ABLIM2: variants seen among roughly 807,000 people sequenced by gnomAD.
ABLIM2 encodes actin binding LIM protein family member 2, also known as actin-binding LIM protein 2.
Under a neutral mutation model 97.7 loss-of-function variants are expected in ABLIM2, and 53 were observed. That is an observed-to-expected ratio of 0.54 (90% CI 0.44 to 0.68). The LOEUF is 0.68. Ranked by LOEUF, ABLIM2 falls within the 30% of genes least tolerant of loss-of-function variation. The pLI, the probability that ABLIM2 is intolerant of heterozygous loss-of-function variation, is 0.00. For missense variants in ABLIM2, 835 were observed against 867.2 expected (o/e 0.96, Z 0.47); for synonymous variants, 361 against 345.8 (o/e 1.04, Z -0.49).
intron 1 of ABLIM2, among the ~76,000 whole-genome samples, chr4:8,107,826 A>G (rs1054689214): frequency 1.3e-5 from 2 of 152,186 alleles, no homozygotes; most frequent in Non-Finnish European, 2.9e-5. Flanking sequence ...GCTGAGCCCA[A>G]CATCATCACG....
chr4:8,052,496 C>T (rs1301661967), intron 8 of ABLIM2, among the ~76,000 whole-genome samples: 5 of 152,216 alleles, frequency 3.3e-5, no homozygotes, highest in Admixed American at 2.6e-4. Flanking sequence ...AAGCTCACAG[C>T]GGGATTTCAT....
intron 6 of ABLIM2, among the ~76,000 whole-genome samples, chr4:8,065,766 A>G (rs1251648011): frequency 6.6e-6 from 1 of 152,012 alleles, no homozygotes; most frequent in Non-Finnish European, 1.5e-5. Context: ...TCTACTAAAA[A>G]TACAAAAATT....
chr4:8,048,261 A>G (rs564657689), intron 8 of ABLIM2, among the ~76,000 whole-genome samples: 2 of 152,286 alleles, frequency 1.3e-5, no homozygotes, highest in East Asian at 3.9e-4. Flanking sequence ...CTCCAATCGC[A>G]CAAAGGTGCT....
chr4:7,972,045 G>A (rs1447841484), intron 20 of ABLIM2, among the ~76,000 whole-genome samples: 1 of 152,166 alleles, frequency 6.6e-6, no homozygotes, highest in Non-Finnish European at 1.5e-5. Context: ...GCCGGGCCCA[G>A]GCCCGGAAGC....
At chr4:7,984,989 G>A (rs1033187155) in intron 17 of ABLIM2, 96 bp from the exon 18 acceptor site, 1 of 1,320,582 alleles carries the variant, frequency 7.6e-7, no homozygotes, top group East Asian at 2.5e-5. Flanking sequence ...GGAGGCCGAG[G>A]TCCTCGTGCT....
rs1221857035 is a variant in ABLIM2 at position 8,032,580 on chromosome 4, G to A, written c.1048-2804C>T. ...AGGCCCTTCCCGGGAGTGCGGCTGGGTGGTTATGTTTATAACCCAGGCAGC... is the reference window on the plus strand; with the variant it reads ...AGGCCCTTCCCGGGAGTGCGGCTGGATGGTTATGTTTATAACCCAGGCAGC... On this transcript the variant is annotated intron_variant, in intron 10 of 20. Transcript: ENST00000447017. The surrounding 1 kb of genome is among the most constrained non-coding windows in gnomAD (Gnocchi z 4.3). 1.9e-6 allele frequency: 3 copies of A among 1,594,060 alleles called. No individual in the cohort carries two copies. Among genetic ancestry groups the A allele is most frequent in the African/African-American group, 2.7e-5 (2 of 74,548 alleles).
In ABLIM2 at chr4:8,133,291, C is replaced by T. The variant is rs548448259; in HGVS notation, c.10+25389G>A. Among the ~76,000 whole-genome samples the T allele has an allele frequency of 8.5e-5, 13 of 152,346 alleles. No individual in the cohort carries two copies. In the East Asian group the frequency reaches 2.1e-3, roughly 25 times the overall value. On this transcript the variant is annotated intron_variant, in intron 1 of 20. Coordinates refer to ENST00000447017, the MANE Select transcript of ABLIM2 (RefSeq NM_001130083.2). ...GCAGAGGGGTCAGGGCTTCACTTAG[C>T]GGGAATGCAATTCAACCCACAGCGG...
At chr4:7,988,650 C>A (rs1746317581) in intron 17 of ABLIM2, among the ~76,000 whole-genome samples, 1 of 152,166 alleles carries the variant, frequency 6.6e-6, no homozygotes, top group Non-Finnish European at 1.5e-5. Flanking sequence ...GCAGGAATTG[C>A]TTTTTAAATA....
intron 17 of ABLIM2, among the ~76,000 whole-genome samples, chr4:7,987,476 C>A (rs1309886675): frequency 6.8e-6 from 1 of 146,040 alleles, no homozygotes; most frequent in African/African-American, 2.7e-5. Context: ...CCCAGGTGCA[C>A]CTGTTCTGGT....
rs994864966 is a variant in ABLIM2 at position 8,150,732 on chromosome 4, G to A, written c.10+7948C>T. Among the ~76,000 whole-genome samples, 10 of 152,172 alleles carry A rather than the reference G, an allele frequency of 6.6e-5. No homozygotes were observed. The highest frequency in any genetic ancestry group is 2.1e-4 in the South Asian group (1 of 4,832). On this transcript the variant is annotated intron_variant, in intron 1 of 20. Transcript: ENST00000447017. This position sits in a 1 kb window ranked among gnomAD's most constrained non-coding sequence, Gnocchi z 6.3. ...CCACGCCTCCTGAGGATGCTGTGCC[G>A]AGAAAACCGGGAGCTGGGTGGCTCT...
intron 2 of ABLIM2, among the ~76,000 whole-genome samples, chr4:8,100,624 T>C (rs1834040470): frequency 6.6e-6 from 1 of 151,666 alleles, no homozygotes; most frequent in Non-Finnish European, 1.5e-5. Flanking sequence ...TGCATGCCTA[T>C]AATCCCAGCT....
chr4:8,056,354 G>A (rs1799148521), intron 7 of ABLIM2, among the ~76,000 whole-genome samples: 1 of 146,938 alleles, frequency 6.8e-6, no homozygotes, highest in African/African-American at 2.5e-5. Flanking sequence ...ACCCAGCATG[G>A]CAGTGGTGCA....
In ABLIM2 at chr4:8,015,274, G is replaced by A. The variant is rs1202938681; in HGVS notation, c.1423+4344C>T. On this transcript the variant is annotated intron_variant, in intron 14 of 20. Coordinates refer to ENST00000447017, the MANE Select transcript of ABLIM2 (RefSeq NM_001130083.2). The surrounding 1 kb of genome is among the most constrained non-coding windows in gnomAD (Gnocchi z 4.6). Reference sequence around the variant, plus strand: ...CTGCATTCACTGCACTGCAGAAGGAGAGGTTAGCGTGTCTTTTGTATCACA... The same window carrying A: ...CTGCATTCACTGCACTGCAGAAGGAAAGGTTAGCGTGTCTTTTGTATCACA... 6.6e-6 allele frequency among the ~76,000 whole-genome samples: 1 copy of A among 152,110 alleles called. No homozygotes were observed. The highest frequency in any genetic ancestry group is 1.5e-5 in the Non-Finnish European group (1 of 68,010).
In ABLIM2 at chr4:8,071,170, GC is replaced by G. The variant is rs10938684; in HGVS notation, c.675+6457del. Among the ~76,000 whole-genome samples, 80,832 of 151,882 alleles carry G rather than the reference GC, an allele frequency of 0.53. 22,077 individuals carry two copies. The highest frequency in any genetic ancestry group is 0.72 in the East Asian group (3,717 of 5,144). The stretch of plus-strand genomic sequence containing the variant: ...TCCCAGCTCCCTCTGTGGGGGCAGC[GC>G]CATCCGTCCCCAGCAGCTGGCTCTG... On this transcript the variant is annotated intron_variant, in intron 6 of 20. Transcript: ENST00000447017. This position sits in a 1 kb window ranked among gnomAD's most constrained non-coding sequence, Gnocchi z 6.2.
chr4:7,978,496 A>G (rs1259112135), intron 20 of ABLIM2, among the ~76,000 whole-genome samples: 1 of 152,238 alleles, frequency 6.6e-6, no homozygotes, highest in Non-Finnish European at 1.5e-5. Flanking sequence ...TACAGTTCCA[A>G]GAGGGTTGCT....
intron 1 of ABLIM2, among the ~76,000 whole-genome samples, chr4:8,117,780 C>G (rs1843449333): frequency 6.6e-6 from 1 of 152,156 alleles, no homozygotes; most frequent in African/African-American, 2.4e-5. Context: ...TCCGCTTACT[C>G]TAAATTCAAG....
rs914633904 is a variant in ABLIM2, at chr4:8,043,127, G to C, written c.900+2037C>G. Among the ~76,000 whole-genome samples, 9 of 152,136 alleles carry C rather than the reference G, an allele frequency of 5.9e-5. No homozygotes were observed. Among genetic ancestry groups the C allele is most frequent in the East Asian group, 1.9e-4 (1 of 5,186 alleles). ...TGATCTCACCACTGCACTCCAGCCT[G>C]GGCGACAGAGCCAGACCTTGTCTCA... On this transcript the variant is annotated intron_variant, in intron 9 of 20. Transcript: ENST00000447017. This position sits in a 1 kb window ranked among gnomAD's most constrained non-coding sequence, Gnocchi z 4.8.
chr4:8,038,524 C>G lies in ABLIM2; in HGVS notation c.901-2229G>C, dbSNP rs114887409. Among the ~76,000 whole-genome samples the G allele has an allele frequency of 9.5e-3, 1,452 of 152,320 alleles. 13 individuals carry two copies. Among genetic ancestry groups the G allele is most frequent in the Non-Finnish European group, 0.015 (1,042 of 68,022 alleles). ...CTCTTCCCCATGTCCCCAGGTGTGC[C>G]AGGTTCAGCCCCCTACTCCAGCTTT... is the stretch of plus-strand genomic sequence containing the variant. On this transcript the variant is annotated intron_variant, in intron 9 of 20. Coordinates refer to ENST00000447017, the MANE Select transcript of ABLIM2 (RefSeq NM_001130083.2).
intron 7 of ABLIM2, among the ~76,000 whole-genome samples, chr4:8,056,112 CAAAAAAAAAAAAAA>C (rs60992903): frequency 2.9e-5 from 2 of 68,334 alleles, no homozygotes; most frequent in African/African-American, 1.4e-4. Flanking sequence ...GACTCTGTCT[CAAAAAAAAAAAAAA>C]AAAAAAAAAA....
Sources: allele counts gnomAD v4.1 joint callset (sites outside exome capture counted in the v4.1 genomes callset), GRCh38; gene constraint gnomAD v4.1.1; non-coding constraint Gnocchi (gnomAD v3.1); transcripts MANE v1.5; gene names NCBI Gene and HGNC (gene_info 2026-07-23, HGNC 2026-07-21).